The following CREB3L2 variants were observed in gnomAD, a reference collection of about 807,000 sequenced individuals.
The protein encoded by CREB3L2 is cAMP responsive element binding protein 3 like 2.
Under a neutral mutation model 57.2 loss-of-function variants are expected in CREB3L2, and 23 were observed. The ratio of observed to expected loss-of-function variants is 0.40; its 90% CI spans 0.29 to 0.57. The LOEUF is 0.57. Among genes scored for constraint, CREB3L2 ranks in the 20% least tolerant of loss-of-function variants. The pLI is 0.42. For missense variants in CREB3L2, 628 were observed against 634.7 expected, an observed-to-expected ratio of 0.99 and a Z score of 0.11; for synonymous variants, 268 against 265.1, an observed-to-expected ratio of 1.01 and a Z score of -0.11.
intron 7 of CREB3L2, 34 bp from the exon 8 acceptor site, chr7:137,901,456 C>T: frequency 7.0e-7 from 1 of 1,427,210 alleles, no homozygotes; most frequent in East Asian, 2.3e-5. Flanking sequence ...AAATTATTAT[C>T]CATAGAGCAA....
Position 137,879,176 on chromosome 7 carries a change from A to G in CREB3L2, c.*1300T>C, listed in dbSNP as rs534260231. The G allele has an allele frequency of 5.9e-6, 3 of 511,204 alleles. No homozygotes were observed. Among genetic ancestry groups the G allele is most frequent in the East Asian group, 8.0e-5 (2 of 25,136 alleles). The allele number at this position is 511,204 out of a possible 1,614,324, so 31.7% of individuals were successfully genotyped here. A position where few individuals can be genotyped will look rare whatever the true frequency, so the allele number is the denominator to read the frequency against. On this transcript the variant is annotated 3_prime_UTR_variant, in exon 12 of 12. Coordinates refer to ENST00000330387, the MANE Select transcript of CREB3L2 (RefSeq NM_194071.4). Reference sequence around the variant, plus strand: ...AAAGTTACTTTTAACCATAAAAAAAAAACAAAAAAACTAAAAGTAGGTTGG... The same window carrying G: ...AAAGTTACTTTTAACCATAAAAAAAGAACAAAAAAACTAAAAGTAGGTTGG...
At chr7:137,891,304 G>C (rs375496013) in intron 8 of CREB3L2, among the ~76,000 whole-genome samples, 6 of 152,234 alleles carry the variant, frequency 3.9e-5, no homozygotes, top group African/African-American at 1.4e-4. Context: ...AAGAATCCAA[G>C]AGTGGGAGAC....
chr7:137,986,092 T>A, intron 1 of CREB3L2, among the ~76,000 whole-genome samples: 1 of 152,198 alleles, frequency 6.6e-6, no homozygotes, highest in East Asian at 1.9e-4. Flanking sequence ...TCATTTATCT[T>A]CCTCCACCAT....
intron 1 of CREB3L2, among the ~76,000 whole-genome samples, chr7:137,998,993 T>G (rs2117338320): frequency 6.6e-6 from 1 of 152,282 alleles, no homozygotes; most frequent in African/African-American, 2.4e-5. Flanking sequence ...CAGGCTCTCT[T>G]CAACTTGGAA....
intron 6 of CREB3L2, among the ~76,000 whole-genome samples, chr7:137,904,850 AAAG>A (rs1356464587): frequency 3.5e-5 from 4 of 112,680 alleles, no homozygotes; most frequent in Non-Finnish European, 6.2e-5. Flanking sequence ...AAAAAAAAAA[AAAG>A]AAAGAAAGAA....
At chr7:137,971,345 G>A (rs979961554) in intron 1 of CREB3L2, among the ~76,000 whole-genome samples, 6 of 152,086 alleles carry the variant, frequency 3.9e-5, no homozygotes, top group Non-Finnish European at 8.8e-5. Flanking sequence ...AGCTACTCGG[G>A]AGGGTGAGGC....
chr7:137,877,523 G>A lies in CREB3L2; in HGVS notation c.*2953C>T, dbSNP rs1563233748. ...AGGGCTGTGAAAAGAACCACGGTGG[G>A]GGGTCTGGGTTACTCAGGTCTTATC... On this transcript the variant is annotated 3_prime_UTR_variant, in exon 12 of 12. Transcript: ENST00000330387. 8.8e-6 allele frequency: 2 copies of A among 226,526 alleles called. No homozygotes were observed. Among genetic ancestry groups the A allele is most frequent in the Non-Finnish European group, 1.8e-5 (2 of 114,008 alleles). The allele number at this position is 226,526 out of a possible 1,614,324, so 14.0% of individuals were successfully genotyped here. A position where few individuals can be genotyped will look rare whatever the true frequency, so the allele number is the denominator to read the frequency against.
intron 4 of CREB3L2, among the ~76,000 whole-genome samples, chr7:137,911,128 C>G (rs991664686): frequency 1.3e-5 from 2 of 152,164 alleles, no homozygotes; most frequent in African/African-American, 4.8e-5. Context: ...TGGTGTTATA[C>G]AAACGAAAGC....
At chr7:137,954,370 C>T (rs1043145890) in intron 1 of CREB3L2, among the ~76,000 whole-genome samples, 1 of 152,186 alleles carries the variant, frequency 6.6e-6, no homozygotes, top group Non-Finnish European at 1.5e-5. Context: ...CAGCAGATAG[C>T]TACCCAGAAG....
chr7:137,968,193 C>T (rs915689789), intron 1 of CREB3L2, among the ~76,000 whole-genome samples: 4 of 151,638 alleles, frequency 2.6e-5, no homozygotes, highest in African/African-American at 9.7e-5. Flanking sequence ...TTGCCCTGGA[C>T]TGGAGCTAGC....
intron 1 of CREB3L2, among the ~76,000 whole-genome samples, chr7:137,938,274 T>C (rs1292731355): frequency 1.3e-5 from 2 of 152,122 alleles, no homozygotes; most frequent in South Asian, 2.1e-4. Flanking sequence ...GCAGAGGACA[T>C]ATGGGAAATC....
chr7:137,897,314 C>T (rs114192861), intron 8 of CREB3L2, among the ~76,000 whole-genome samples: 2,391 of 152,278 alleles, frequency 0.016, 58 homozygotes, highest in African/African-American at 0.054. Flanking sequence ...GCCCTGGTCA[C>T]ATTCAGTAAC....
At chr7:137,975,797 A>G (rs553576308) in intron 1 of CREB3L2, among the ~76,000 whole-genome samples, 1 of 152,384 alleles carries the variant, frequency 6.6e-6, no homozygotes, top group East Asian at 1.9e-4. Context: ...TTTGCATGAA[A>G]CAGCTTTTAT....
At chr7:137,912,845 T>G in intron 4 of CREB3L2, 146 bp downstream of exon 4, 1 of 1,529,034 alleles carries the variant, frequency 6.5e-7, no homozygotes, top group Non-Finnish European at 8.8e-7. Flanking sequence ...AAGCAAAATT[T>G]TTATTTTTTA....
chr7:137,992,779 A>C (rs534940839), intron 1 of CREB3L2, among the ~76,000 whole-genome samples: 1 of 152,318 alleles, frequency 6.6e-6, no homozygotes, highest in African/African-American at 2.4e-5. Context: ...AGCAAAAACG[A>C]GTTATGAGAC....
intron 1 of CREB3L2, among the ~76,000 whole-genome samples, chr7:137,955,720 T>A (rs1801196156): frequency 6.6e-6 from 1 of 152,192 alleles, no homozygotes; most frequent in Non-Finnish European, 1.5e-5. Flanking sequence ...CATCCTCTCC[T>A]TTTTATAAAG....
intron 7 of CREB3L2, 73 bp from the exon 8 acceptor site, chr7:137,901,495 A>T: frequency 2.2e-6 from 2 of 917,056 alleles, no homozygotes; most frequent in Non-Finnish European, 3.5e-6. Context: ...GGGTGGAGGT[A>T]GGTGGGGATG....
intron 2 of CREB3L2, among the ~76,000 whole-genome samples, chr7:137,926,869 C>T (rs570552436): frequency 3.2e-4 from 48 of 152,270 alleles, no homozygotes; most frequent in South Asian, 1.5e-3. Context: ...AAATTTAAAC[C>T]TGGGCATGGT....
intron 8 of CREB3L2, among the ~76,000 whole-genome samples, chr7:137,888,320 G>A (rs1799469612): frequency 6.7e-6 from 1 of 149,524 alleles, no homozygotes; most frequent in South Asian, 2.1e-4. Context: ...ATACTCAACA[G>A]CATAATTACT....
Sources: gnomAD v4.1 joint callset for allele counts (sites outside exome capture counted in the v4.1 genomes callset) on GRCh38, gnomAD v4.1.1 for gene constraint, MANE v1.5 for transcripts, NCBI Gene and HGNC (gene_info 2026-07-23, HGNC 2026-07-21) for gene names.